MELK: variants seen among roughly 807,000 people sequenced by gnomAD.
MELK encodes maternal embryonic leucine zipper kinase.
MELK carries 81 observed loss-of-function variants against 85.0 expected under a neutral mutation model. The ratio of observed to expected loss-of-function variants is 0.95; its 90% confidence interval spans 0.80 to 1.15. The LOEUF is 1.15. MELK is among the 50% of genes most tolerant of loss of function. MELK has a pLI of 0.00. For synonymous variants in MELK, 252 were observed against 265.0 expected (o/e 0.95, Z 0.48); for missense variants, 754 against 777.5 (o/e 0.97, Z 0.36).
intron 11 of MELK, among the ~76,000 whole-genome samples, chr9:36,645,119 G>A (rs570883346): frequency 8.6e-5 from 13 of 151,990 alleles, no homozygotes; most frequent in East Asian, 7.7e-4. Flanking sequence ...TTAGCCGGGC[G>A]TGGTGGCACG....
At chr9:36,665,802 A>G (rs935400525) in intron 14 of MELK, among the ~76,000 whole-genome samples, 1 of 152,212 alleles carries the variant, frequency 6.6e-6, no homozygotes, top group African/African-American at 2.4e-5. Flanking sequence ...TCACGTTTAT[A>G]AAATTGAATC....
Position 36,669,347 on chromosome 9 carries a change from A to G in MELK, c.1446A>G (p.Ile482Met), listed in dbSNP as rs1380548557. The G allele has an allele frequency of 1.9e-6, 3 of 1,610,074 alleles. No individual in the cohort carries two copies. Among genetic ancestry groups the G allele is most frequent in the Non-Finnish European group, 2.5e-6 (3 of 1,178,566 alleles). ...NQCLKETPIK[I>M]PVNSTGTDKL... ...GCCTGAAAGAAACTCCAATTAAAAT[A>G]CCAGTAAATTCAACAGGAACAGACA... is the stretch of plus-strand genomic sequence containing the variant. The change falls in exon 15 of 18, where the codon ATA (isoleucine) becomes ATG (methionine). Residue 482 changes from isoleucine to methionine, a missense_variant. Physicochemically the swap from Ile to Met is conservative, Grantham distance 10. Coordinates refer to ENST00000298048, the MANE Select transcript of MELK (RefSeq NM_014791.4).
chr9:36,648,157 T>G lies in MELK; in HGVS notation c.922-3589T>G, dbSNP rs537273327. Among the ~76,000 whole-genome samples, 3 of 152,282 alleles carry G rather than the reference T, an allele frequency of 2.0e-5. No individual in the cohort carries two copies. The South Asian group carries it at 6.2e-4, about 32-fold the overall frequency. ...GAACAGCTAAGTTTACGTCGAACAC[T>G]TCCTAAAACCTTAACAAAAAGGGAT... On this transcript the variant is annotated intron_variant, in intron 11 of 17. Transcript: ENST00000298048.
At chr9:36,637,462 C>T (rs7854544) in intron 10 of MELK, among the ~76,000 whole-genome samples, 8,879 of 152,196 alleles carry the variant, frequency 0.058, 733 homozygotes, top group African/African-American at 0.17. Flanking sequence ...TTGATAACAT[C>T]GTTTTGATTG....
chr9:36,583,583 C>A, intron 2 of MELK, 44 bp from the exon 3 acceptor site: 2 of 1,325,442 alleles, frequency 1.5e-6, no homozygotes, highest in Non-Finnish European at 2.1e-6. Context: ...GGTGTTTGTG[C>A]CTGAGTCCTT....
At chr9:36,647,243 G>T (rs1414336877) in intron 11 of MELK, among the ~76,000 whole-genome samples, 1 of 152,128 alleles carries the variant, frequency 6.6e-6, no homozygotes, top group Non-Finnish European at 1.5e-5. Context: ...ACAATGCCTG[G>T]GTTATGCCAT....
At chr9:36,647,510 G>A (rs1452012725) in intron 11 of MELK, among the ~76,000 whole-genome samples, 1 of 145,360 alleles carries the variant, frequency 6.9e-6, no homozygotes, top group Non-Finnish European at 1.5e-5. Flanking sequence ...TTTTTTTTGA[G>A]ATGGAGTCTC....
chr9:36,625,492 A>C (rs2136315682), intron 8 of MELK, among the ~76,000 whole-genome samples: 1 of 152,296 alleles, frequency 6.6e-6, no homozygotes, highest in South Asian at 2.1e-4. Context: ...AGTTGGCTAG[A>C]GCATCTAAAA....
intron 8 of MELK, among the ~76,000 whole-genome samples, chr9:36,611,815 C>T (rs56952117): frequency 0.027 from 4,048 of 150,358 alleles, 173 homozygotes; most frequent in African/African-American, 0.089. Context: ...GTGCTGTTGC[C>T]CAGGCTAGAG....
chr9:36,645,540 G>A (rs1403318739), intron 11 of MELK, among the ~76,000 whole-genome samples: 1 of 152,052 alleles, frequency 6.6e-6, no homozygotes, highest in Non-Finnish European at 1.5e-5. Flanking sequence ...TTCTTCCTTT[G>A]TACTCTTTTC....
At chr9:36,670,930 T>C in intron 15 of MELK, 68 bp from the exon 16 acceptor site, 3 of 1,480,544 alleles carry the variant, frequency 2.0e-6, no homozygotes, top group East Asian at 2.4e-5. Context: ...GGACAAAAGT[T>C]CACCCTTGTG....
At chr9:36,617,396 A>G (rs757669873) in intron 8 of MELK, among the ~76,000 whole-genome samples, 1 of 151,438 alleles carries the variant, frequency 6.6e-6, no homozygotes, top group Non-Finnish European at 1.5e-5. Flanking sequence ...GCAGTGGTGC[A>G]GTCATAGTTC....
intron 15 of MELK, 78 bp from the exon 16 acceptor site, chr9:36,670,920 G>C: frequency 1.4e-6 from 2 of 1,448,658 alleles, no homozygotes; most frequent in Non-Finnish European, 1.8e-6. Flanking sequence ...GTGTATGAAG[G>C]GACAAAAGTT....
intron 9 of MELK, among the ~76,000 whole-genome samples, chr9:36,630,597 G>A (rs1298106295): frequency 6.6e-6 from 1 of 152,080 alleles, no homozygotes; most frequent in African/African-American, 2.4e-5. Flanking sequence ...CGAATTTTCT[G>A]TTTTCTCTAA....
At chr9:36,627,772 C>T (rs1247413646) in intron 8 of MELK, among the ~76,000 whole-genome samples, 1 of 151,818 alleles carries the variant, frequency 6.6e-6, no homozygotes, top group Admixed American at 6.6e-5. Flanking sequence ...GGTGATCCGC[C>T]CATCTCAGCC....
intron 11 of MELK, among the ~76,000 whole-genome samples, chr9:36,648,533 TCAGATGC>T (rs1830423167): frequency 7.0e-6 from 1 of 142,320 alleles, no homozygotes; most frequent in African/African-American, 3.1e-5. Context: ...CAAATACAGC[TCAGATGC>T]GGATGATGAA....
Position 36,657,231 on chromosome 9 carries a change from C to T in MELK, c.1054-10C>T. The T allele has an allele frequency of 1.2e-6, 2 of 1,606,600 alleles. No homozygotes were observed. The highest frequency in any genetic ancestry group is 1.7e-6 in the Non-Finnish European group (2 of 1,177,898). On this transcript the variant is annotated splice_polypyrimidine_tract_variant and intron_variant, in intron 12 of 17. Coordinates refer to ENST00000298048, the MANE Select transcript of MELK (RefSeq NM_014791.4). ...GTCATCTTTAAGTTCTTCTGTCTTT[C>T]ATTGAGTAGTCAAATAATTGGAGTC...
intron 11 of MELK, among the ~76,000 whole-genome samples, chr9:36,645,365 A>G (rs1830134921): frequency 6.6e-6 from 1 of 151,970 alleles, no homozygotes; most frequent in Admixed American, 6.5e-5. Flanking sequence ...CAGACTTAAA[A>G]GTGAAATGGA....
At chr9:36,608,367 G>A (rs1825763837) in intron 8 of MELK, among the ~76,000 whole-genome samples, 1 of 139,142 alleles carries the variant, frequency 7.2e-6, no homozygotes, top group Admixed American at 7.3e-5. Context: ...TTATGTTATT[G>A]TTAATCTCTT....
Sources: gnomAD v4.1 joint callset for allele counts (sites outside exome capture counted in the v4.1 genomes callset) on GRCh38, gnomAD v4.1.1 for gene constraint, MANE v1.5 for transcripts, NCBI Gene and HGNC (gene_info 2026-07-23, HGNC 2026-07-21) for gene names.